FBXO38: variants seen among roughly 807,000 people sequenced by gnomAD.
FBXO38 encodes the protein F-box only protein 38.
FBXO38 carries 53 observed loss-of-function variants against 131.9 expected under a neutral mutation model. That is an observed-to-expected ratio of 0.40 (90% CI 0.32 to 0.51). The LOEUF is 0.51. Among genes scored for constraint, FBXO38 ranks in the 20% least tolerant of loss-of-function variants. The pLI, the probability that FBXO38 is intolerant of heterozygous loss-of-function variation, is 0.53. For missense variants in FBXO38, 1,076 were observed against 1,475.6 expected, an observed-to-expected ratio of 0.73 and a Z score of 4.44; for synonymous variants, 452 against 505.6, an observed-to-expected ratio of 0.89 and a Z score of 1.42.
intron 5 of FBXO38, 175 bp downstream of exon 5, chr5:148,402,688 G>A (rs1341067268): frequency 5.9e-6 from 3 of 510,646 alleles, no homozygotes; most frequent in African/African-American, 5.8e-5. Context: ...ATCCACTGGT[G>A]TGAGGGAAAT....
intron 13 of FBXO38, among the ~76,000 whole-genome samples, chr5:148,424,381 G>C (rs1753605200): frequency 6.6e-6 from 1 of 152,156 alleles, no homozygotes; most frequent in Admixed American, 6.5e-5. Context: ...TGTATGTGTA[G>C]AAAAAGAAAA....
chr5:148,438,308 C>T, intron 17 of FBXO38, 24 bp from the exon 18 acceptor site: 3 of 1,611,954 alleles, frequency 1.9e-6, no homozygotes, highest in Non-Finnish European at 2.5e-6. Flanking sequence ...ATGTACGGAG[C>T]TTACCATTGT....
rs975211454 is a variant in FBXO38 at position 148,388,241 on chromosome 5, C to T, written c.-64+4202C>T. Among the ~76,000 whole-genome samples, 28 of 152,276 alleles carry T rather than the reference C, an allele frequency of 1.8e-4. 1 individual carries two copies. The highest frequency in any genetic ancestry group is 1.8e-3 in the Admixed American group (28 of 15,296). The stretch of plus-strand genomic sequence containing the variant: ...ACTATACTGTAAACAGATGTGCTGT[C>T]TTTCAGGCTTTGTTGTTCCTTTTAT... On this transcript the variant is annotated intron_variant, in intron 1 of 21. Transcript: ENST00000340253.
intron 1 of FBXO38, among the ~76,000 whole-genome samples, chr5:148,391,535 AT>A (rs1758192920): frequency 6.6e-6 from 1 of 152,220 alleles, no homozygotes; most frequent in South Asian, 2.1e-4. Flanking sequence ...AGTTAAAAGC[AT>A]ATTAGGAATG....
At chr5:148,409,270 C>T in intron 8 of FBXO38, 53 bp downstream of exon 8, 1 of 1,209,744 alleles carries the variant, frequency 8.3e-7, no homozygotes, top group Admixed American at 1.7e-5. Context: ...TTATGTTTTT[C>T]CCTATTTTAC....
intron 12 of FBXO38, 122 bp downstream of exon 12, chr5:148,417,326 T>A: frequency 1.3e-6 from 1 of 747,360 alleles, no homozygotes; most frequent in Non-Finnish European, 2.3e-6. Flanking sequence ...TGAGGAAAGC[T>A]AGTTGATAAG....
intron 17 of FBXO38, among the ~76,000 whole-genome samples, chr5:148,438,105 C>T (rs570748360): frequency 6.6e-6 from 1 of 152,118 alleles, no homozygotes; most frequent in Non-Finnish European, 1.5e-5. Context: ...ACTTGGTTTT[C>T]TTAACAGTAA....
chr5:148,440,562 C>G, intron 20 of FBXO38, 35 bp downstream of exon 20: 5 of 1,298,718 alleles, frequency 3.8e-6, no homozygotes, highest in South Asian at 1.2e-5. Flanking sequence ...AGTTAAATAG[C>G]CTGTGCAGTA....
At chr5:148,439,560 T>C (rs747240881) in intron 18 of FBXO38, 87 bp from the exon 19 acceptor site, 1 of 1,256,416 alleles carries the variant, frequency 8.0e-7, no homozygotes, top group Non-Finnish European at 1.1e-6. Flanking sequence ...AAACTGAAGG[T>C]CCATGGAAAG....
rs972619435 is a variant in FBXO38 at position 148,409,041 on chromosome 5, G to A, written c.869-83G>A. On this transcript the variant is annotated intron_variant, in intron 7 of 21. Transcript: ENST00000340253. The stretch of plus-strand genomic sequence containing the variant: ...TTTTAAATCAGTAATTATCATCTCA[G>A]ATAATACTTTATAATGTATAGTATA... 5.3e-5 allele frequency: 39 copies of A among 733,168 alleles called. No individual in the cohort carries two copies. The Middle Eastern group carries it at 7.4e-4, about 14-fold the overall frequency. The allele number at this position is 733,168 out of a possible 1,614,324, so 45.4% of individuals were successfully genotyped here.
rs959528592 is a variant in FBXO38 at position 148,384,000 on chromosome 5, C to G, written c.-103C>G. ...GGCCGGGGAAGTGTCTGTAGCGTCC[C>G]TCCCTCTCAACCACAATAACAGGCG... is the stretch of plus-strand genomic sequence containing the variant. On this transcript the variant is annotated 5_prime_UTR_variant, in exon 1 of 22. Transcript: ENST00000340253. 6 of 152,718 alleles carry G rather than the reference C, an allele frequency of 3.9e-5. No individual in the cohort carries two copies. Among genetic ancestry groups the G allele is most frequent in the Admixed American group, 6.5e-5 (1 of 15,280 alleles). The allele number at this position is 152,718 out of a possible 1,614,324, so 9.5% of individuals were successfully genotyped here.
intron 1 of FBXO38, chr5:148,385,129 C>G (rs958328562): frequency 8.5e-5 from 13 of 152,094 alleles, no homozygotes; most frequent in Admixed American, 7.2e-4. Context: ...TAGGCATAGA[C>G]TGAAAAAAAT....
intron 1 of FBXO38, 149 bp downstream of exon 1, chr5:148,384,188 T>C (rs2112761): frequency 0.42 from 63,819 of 152,256 alleles, 15,818 homozygotes; most frequent in African/African-American, 0.69. Flanking sequence ...CTAGAGCTCC[T>C]TGAGAGATCA....
chr5:148,402,657 A>C, intron 5 of FBXO38, 144 bp downstream of exon 5: 1 of 704,386 alleles, frequency 1.4e-6, no homozygotes, highest in East Asian at 2.9e-5. Context: ...TCTGTATAAA[A>C]ATTCCGATTT....
rs1050237623 is a variant in FBXO38, at chr5:148,413,953, C to T, written c.1094-183C>T. On this transcript the variant is annotated intron_variant, in intron 9 of 21. Coordinates refer to ENST00000340253, the MANE Select transcript of FBXO38 (RefSeq NM_205836.3). ...TTTTAATATAATTTATTATTTTGTA[C>T]AAGAAGTGCTACCATATGTACGGAA... 6.7e-5 allele frequency: 30 copies of T among 444,892 alleles called. 1 individual carries two copies. The highest frequency in any genetic ancestry group is 2.4e-4 in the Admixed American group (6 of 24,526). The allele number at this position is 444,892 out of a possible 1,614,324, so 27.6% of individuals were successfully genotyped here. A position where few individuals can be genotyped will look rare whatever the true frequency, so the allele number is the denominator to read the frequency against.
chr5:148,417,124 A>C lies in FBXO38; in HGVS notation c.1538A>C (p.His513Pro). The C allele has an allele frequency of 6.2e-7, 1 of 1,613,878 alleles. No individual in the cohort carries two copies. The highest frequency in any genetic ancestry group is 8.5e-7 in the Non-Finnish European group (1 of 1,179,792). ...NNNANIHDNNHHHPDDSDEEN... is the reference protein window; with the variant it reads ...NNNANIHDNNPHHPDDSDEEN... ...AATGCCAACATCCACGACAACAATC[A>C]CCATCATCCAGATGACTCAGACGAG... is the stretch of plus-strand genomic sequence containing the variant. Residue 513 changes from histidine (H) to proline (P), a missense_variant, in exon 12 of 22, where the codon CAC becomes CCC. Physicochemically the swap from His to Pro is moderately conservative, Grantham distance 77 (BLOSUM62 -2). Around this residue, in one of 8 missense-constraint regions of FBXO38, gnomAD observed 212 missense variants for 221.2 expected, o/e 0.96. Transcript: ENST00000340253.
Position 148,415,908 on chromosome 5 carries a change from T to A in FBXO38, c.1265-20T>A. On this transcript the variant is annotated intron_variant, in intron 10 of 21. Transcript: ENST00000340253. ...AAAATGTTACTTAGATTTTCTCTGG[T>A]CATGTCATTTCTTTAACAGACCACT... 1 of 1,613,056 alleles carries A rather than the reference T, an allele frequency of 6.2e-7. No individual in the cohort carries two copies. Among genetic ancestry groups the A allele is most frequent in the South Asian group, 1.1e-5 (1 of 91,034 alleles).
intron 12 of FBXO38, among the ~76,000 whole-genome samples, chr5:148,419,038 A>G (rs1314549533): frequency 6.6e-6 from 1 of 152,250 alleles, no homozygotes; most frequent in African/African-American, 2.4e-5. Context: ...AAGAAGCCAT[A>G]ATTACTATGG....
In FBXO38 at chr5:148,417,155, T is replaced by C. The variant is rs1199686984; in HGVS notation, c.1569T>C (p.Asn523=). The change falls in exon 12 of 22, where the codon AAT becomes AAC. Residue 523 remains asparagine, a synonymous_variant. Transcript: ENST00000340253. ...ATCCAGATGACTCAGACGAGGAGAA[T>C]GACTTTCGGCAAGATCTGCAGCCAG... The part of the protein sequence containing the change: ...HHHPDDSDEE[N]DFRQDLQPGE... 1.9e-6 allele frequency: 3 copies of C among 1,613,770 alleles called. No individual in the cohort carries two copies. The East Asian group carries it at 6.7e-5, about 36-fold the overall frequency.
Sources: allele counts gnomAD v4.1 joint callset (sites outside exome capture counted in the v4.1 genomes callset), GRCh38; gene constraint gnomAD v4.1.1; regional missense constraint gnomAD v4.1.1; transcripts MANE v1.5; gene names NCBI Gene and HGNC (gene_info 2026-07-23, HGNC 2026-07-21).